The following HACE1 variants were observed in gnomAD, a reference collection of about 807,000 sequenced individuals.
HACE1 encodes the protein E3 ubiquitin-protein ligase HACE1.
A neutral mutation model predicts 118.4 loss-of-function variants in HACE1; 73 were observed. The ratio of observed to expected loss-of-function variants is 0.62; its 90% CI spans 0.51 to 0.75. The LOEUF (loss-of-function observed/expected upper bound fraction) is 0.75. Ranked by LOEUF, HACE1 falls within the 30% of genes least tolerant of loss-of-function variation. The pLI, the probability that HACE1 is intolerant of heterozygous loss-of-function variation, is 0.00. For missense variants in HACE1, 749 were observed against 1,102.2 expected, an observed-to-expected ratio of 0.68 and a Z score of 4.54; for synonymous variants, 368 against 374.8, an observed-to-expected ratio of 0.98 and a Z score of 0.21.
intron 7 of HACE1, among the ~76,000 whole-genome samples, chr6:104,800,371 A>G (rs1249711894): frequency 6.6e-6 from 1 of 152,186 alleles, no homozygotes; most frequent in African/African-American, 2.4e-5. Context: ...TGGTTCTCCC[A>G]CCACAGCCTT....
rs1781296726 is a variant in HACE1, at chr6:104,777,087, C to G, written c.1702G>C (p.Glu568Gln). The G allele has an allele frequency of 6.2e-7, 1 of 1,610,410 alleles. No homozygotes were observed. Among genetic ancestry groups the G allele is most frequent in the Non-Finnish European group, 8.5e-7 (1 of 1,176,882 alleles). ...HRDSIFRSSC[E>Q]VVSKANCAKL... ...GCACAATTTGCTTTTGACACAACTT[C>G]ACAGCTACTCCTAAAAATAGAATCT... Residue 568 changes from glutamate to glutamine, a missense_variant, in exon 16 of 24, where the codon GAA (glutamate) becomes CAA (glutamine). This residue lies in a region of HACE1 where 195 missense variants were observed against 322.1 expected (regional missense o/e 0.61). Coordinates refer to ENST00000262903, the MANE Select transcript of HACE1 (RefSeq NM_020771.4).
At chr6:104,810,202 A>C (rs1771449155) in intron 7 of HACE1, among the ~76,000 whole-genome samples, 1 of 152,114 alleles carries the variant, frequency 6.6e-6, no homozygotes, top group Non-Finnish European at 1.5e-5. Flanking sequence ...CTAGCCAAGC[A>C]ACCAAATCAT....
At chr6:104,830,857 C>A (rs767519260) in intron 6 of HACE1, among the ~76,000 whole-genome samples, 1 of 148,272 alleles carries the variant, frequency 6.7e-6, no homozygotes, top group African/African-American at 2.5e-5. Flanking sequence ...CTGTTTCTGA[C>A]CTGTTCTGGT....
At chr6:104,778,528 C>T (rs1384306798) in intron 14 of HACE1, among the ~76,000 whole-genome samples, 1 of 152,012 alleles carries the variant, frequency 6.6e-6, no homozygotes, top group Admixed American at 6.6e-5. Context: ...GGTATGGTGG[C>T]TCATGCCTGT....
Position 104,814,079 on chromosome 6 carries a change from AT to A in HACE1, c.535-2687del, listed in dbSNP as rs1771879244. ...AGTAGAAAATAGGAAAGATGAGAAAATTTGTGAATCAATCAAGGGAGACATA... is the reference window on the plus strand; with the variant it reads ...AGTAGAAAATAGGAAAGATGAGAAAATTGTGAATCAATCAAGGGAGACATA... On this transcript the variant is annotated intron_variant, in intron 6 of 23. Coordinates refer to ENST00000262903, the MANE Select transcript of HACE1 (RefSeq NM_020771.4). Among the ~76,000 whole-genome samples the A allele has an allele frequency of 1.5e-5, 2 of 137,788 alleles. 1 individual carries two copies. Among genetic ancestry groups the A allele is most frequent in the Non-Finnish European group, 3.1e-5 (2 of 64,268 alleles). 90.4% of individuals were successfully genotyped at this position (137,788 alleles called of 152,430 possible).
At position 104,767,478 on chromosome 6, in the gene HACE1, G is replaced by A. The variant is rs147326105; in HGVS notation, c.2211+3715C>T. Among the ~76,000 whole-genome samples the A allele has an allele frequency of 7.5e-3, 1,135 of 152,016 alleles. 10 individuals carry two copies. Among genetic ancestry groups the A allele is most frequent in the African/African-American group, 0.025 (1,031 of 41,470 alleles). On this transcript the variant is annotated intron_variant, in intron 19 of 23. Transcript: ENST00000262903. ...TCTCAGTTGTCCTGACTCTAGTACC[G>A]CCCCATTTCAACCCATTTTTCACAC...
rs1299316946 is a variant in HACE1 at position 104,796,723 on chromosome 6, GAATT to G, written c.744_747del (p.Leu248PhefsTer14). On this transcript the variant is annotated frameshift_variant, in exon 9 of 24. Coordinates refer to ENST00000262903, the MANE Select transcript of HACE1 (RefSeq NM_020771.4). LOFTEE classifies it high-confidence loss of function. Reference sequence around the variant, plus strand: ...GTCTGAAAAAGCCTCGGGTGATATTGAATTAATACTTCACAAGTCTCTCCATATC... The same window carrying G: ...GTCTGAAAAAGCCTCGGGTGATATTGAATACTTCACAAGTCTCTCCATATC... The G allele has an allele frequency of 5.0e-6, 8 of 1,591,684 alleles. No homozygotes were observed. Among genetic ancestry groups the G allele is most frequent in the Non-Finnish European group, 6.9e-6 (8 of 1,160,582 alleles).
At chr6:104,733,704 C>G (rs1399938410) in intron 22 of HACE1, among the ~76,000 whole-genome samples, 1 of 149,766 alleles carries the variant, frequency 6.7e-6, no homozygotes, top group Admixed American at 6.7e-5. Context: ...CAAAAATTAG[C>G]CAGGCGAAGT....
intron 6 of HACE1, among the ~76,000 whole-genome samples, chr6:104,831,992 A>AAGAGG (rs1562471497): frequency 1.8e-5 from 2 of 110,114 alleles, no homozygotes; most frequent in Non-Finnish European, 3.8e-5. Flanking sequence ...GGAAGGAAGG[A>AAGAGG]AGGAAGGAAG....
intron 1 of HACE1, among the ~76,000 whole-genome samples, chr6:104,852,880 GCTT>G (rs1410513950): frequency 1.3e-5 from 2 of 152,044 alleles, no homozygotes; most frequent in Non-Finnish European, 2.9e-5. Context: ...CACAATACTG[GCTT>G]CTTGTCAATA....
intron 22 of HACE1, 127 bp downstream of exon 22, chr6:104,744,033 A>G (rs1360468480): frequency 4.3e-6 from 3 of 689,686 alleles, no homozygotes; most frequent in African/African-American, 3.6e-5. Context: ...TTTAATACCT[A>G]AAACAGTGGA....
chr6:104,835,388 C>T (rs1774425275), intron 5 of HACE1, among the ~76,000 whole-genome samples: 1 of 151,966 alleles, frequency 6.6e-6, no homozygotes, highest in African/African-American at 2.4e-5. Flanking sequence ...AGAGGGAGAA[C>T]ATACTGATTG....
chr6:104,766,660 A>C (rs1780046431), intron 19 of HACE1, among the ~76,000 whole-genome samples: 1 of 152,258 alleles, frequency 6.6e-6, no homozygotes, highest in African/African-American at 2.4e-5. Flanking sequence ...TGTATTTGCT[A>C]CTTTGTTCAC....
chr6:104,777,363 A>G, intron 14 of HACE1, 46 bp from the exon 15 acceptor site: 1 of 1,140,080 alleles, frequency 8.8e-7, no homozygotes, highest in Non-Finnish European at 1.3e-6. Context: ...TGTATCAGTC[A>G]TCTAATTATC....
At chr6:104,834,937 A>G (rs1774376055) in intron 5 of HACE1, among the ~76,000 whole-genome samples, 2 of 152,270 alleles carry the variant, frequency 1.3e-5, no homozygotes, top group Admixed American at 1.3e-4. Flanking sequence ...AAGAGGCTTG[A>G]AAACAGTCTC....
intron 14 of HACE1, among the ~76,000 whole-genome samples, chr6:104,783,593 C>T (rs1051227230): frequency 6.6e-6 from 1 of 152,128 alleles, no homozygotes; most frequent in African/African-American, 2.4e-5. Context: ...CTCCAGCTAG[C>T]TTCATGTAAC....
chr6:104,778,106 G>A (rs1781393427), intron 14 of HACE1, among the ~76,000 whole-genome samples: 1 of 152,124 alleles, frequency 6.6e-6, no homozygotes. Flanking sequence ...AATACATGCA[G>A]AAATTGGAAC....
At chr6:104,797,156 T>C (rs1769746017) in intron 7 of HACE1, 131 bp from the exon 8 acceptor site, 1 of 632,124 alleles carries the variant, frequency 1.6e-6, no homozygotes, top group African/African-American at 2.4e-5. Flanking sequence ...ATGAAATACA[T>C]CTTCATAATC....
intron 19 of HACE1, among the ~76,000 whole-genome samples, chr6:104,764,706 T>C (rs190159215): frequency 1.3e-5 from 2 of 152,344 alleles, no homozygotes; most frequent in East Asian, 3.9e-4. Flanking sequence ...GAATGAGCAA[T>C]TGGAGCCTTA....
Sources: gnomAD v4.1 joint callset for allele counts (sites outside exome capture counted in the v4.1 genomes callset) on GRCh38, gnomAD v4.1.1 for gene constraint, gnomAD v4.1.1 regional missense constraint, MANE v1.5 for transcripts, NCBI Gene and HGNC (gene_info 2026-07-23, HGNC 2026-07-21) for gene names.